Variants in DHRS7B observed in about 807,000 individuals in gnomAD.
DHRS7B encodes dehydrogenase/reductase 7B.
In DHRS7B, 24 loss-of-function variants were observed where a neutral mutation model predicts 26.4. The ratio of observed to expected loss-of-function variants is 0.91; its 90% confidence interval spans 0.66 to 1.28. DHRS7B has a LOEUF of 1.28. Among genes scored for constraint, DHRS7B ranks in the 50% most tolerant of loss-of-function variants. DHRS7B has a pLI of 0.00. For synonymous variants in DHRS7B, 142 were observed against 166.4 expected (o/e 0.85, Z 1.13); for missense variants, 368 against 419.4 (o/e 0.88, Z 1.07).
At chr17:21,150,121 A>ACAAC (rs1208673154) in intron 1 of DHRS7B, among the ~76,000 whole-genome samples, 17 of 150,124 alleles carry the variant, frequency 1.1e-4, no homozygotes, top group Non-Finnish European at 2.4e-4. Context: ...AAAAAAAAAA[A>ACAAC]AAAAAAAAAA....
chr17:21,182,257 C>G (rs1399609293), intron 3 of DHRS7B, among the ~76,000 whole-genome samples: 1 of 151,358 alleles, frequency 6.6e-6, no homozygotes, highest in Admixed American at 6.6e-5. Context: ...TTTTTTCTTT[C>G]TTTTTTTGAG....
At chr17:21,141,915 A>G (rs967231567) in intron 1 of DHRS7B, among the ~76,000 whole-genome samples, 2 of 152,174 alleles carry the variant, frequency 1.3e-5, no homozygotes, top group Non-Finnish European at 2.9e-5. Flanking sequence ...GTCAAAGGTC[A>G]AGGGCATCTC....
chr17:21,147,130 C>A (rs2143966609), intron 1 of DHRS7B, among the ~76,000 whole-genome samples: 1 of 152,234 alleles, frequency 6.6e-6, no homozygotes, highest in African/African-American at 2.4e-5. Context: ...TTAATAAGTT[C>A]TTGGGAAATT....
intron 1 of DHRS7B, chr17:21,171,738 AC>A (rs1272106177): frequency 5.6e-6 from 3 of 538,438 alleles, no homozygotes; most frequent in Non-Finnish European, 1.0e-5. Flanking sequence ...ACTGTGGGTG[AC>A]TATGTCCTAG....
In DHRS7B at chr17:21,132,543, A is replaced by AC. The variant is rs560968527; in HGVS notation, c.20+5552_20+5553insC. 1.9e-4 allele frequency among the ~76,000 whole-genome samples: 28 copies of AC among 147,140 alleles called. 1 individual carries two copies. Among genetic ancestry groups the AC allele is most frequent in the South Asian group, 1.0e-3 (5 of 4,774 alleles). On this transcript the variant is annotated intron_variant, in intron 1 of 6. Coordinates refer to ENST00000395511, the MANE Select transcript of DHRS7B (RefSeq NM_015510.5). ...GAGACCTTGTCTCAAAAAAAAAAAAAAAAAAACAAAAAAAAAACAGGGAAG... is the reference window on the plus strand; with the variant it reads ...GAGACCTTGTCTCAAAAAAAAAAAAACAAAAAACAAAAAAAAAACAGGGAAG...
chr17:21,138,101 T>TATATACACACACAC lies in DHRS7B; in HGVS notation c.20+11111_20+11112insTATACACACACACA, dbSNP rs1555536219. ...ATATATATATATATATATATATATA[T>TATATACACACACAC]ACACACACACACACACACACACACA... On this transcript the variant is annotated intron_variant, in intron 1 of 6. Transcript: ENST00000395511. Among the ~76,000 whole-genome samples, 11 of 86,108 alleles carry TATATACACACACAC rather than the reference T, an allele frequency of 1.3e-4. No individual in the cohort carries two copies. The South Asian group carries it at 2.4e-3, about 19-fold the overall frequency. The allele number at this position is 86,108 out of a possible 152,430, so 56.5% of individuals were successfully genotyped here. A position where few individuals can be genotyped will look rare whatever the true frequency, so the allele number is the denominator to read the frequency against.
chr17:21,126,966 T>A lies in DHRS7B; in HGVS notation c.-6T>A. 2 of 1,539,818 alleles carry A rather than the reference T, an allele frequency of 1.3e-6. No individual in the cohort carries two copies. Among genetic ancestry groups the A allele is most frequent in the Non-Finnish European group, 1.8e-6 (2 of 1,142,198 alleles). Reference sequence around the variant, plus strand: ...TTCCGAGGCGGGAGGATGAAGTTGATTGACTATGGTCTCTCCGGCTACCAG... The same window carrying A: ...TTCCGAGGCGGGAGGATGAAGTTGAATGACTATGGTCTCTCCGGCTACCAG... On this transcript the variant is annotated 5_prime_UTR_variant, in exon 1 of 7. It adds an upstream start codon to the 5' untranslated region. Transcript: ENST00000395511.
At chr17:21,178,576 T>C (rs1974439972) in intron 3 of DHRS7B, among the ~76,000 whole-genome samples, 1 of 152,156 alleles carries the variant, frequency 6.6e-6, no homozygotes, top group South Asian at 2.1e-4. Flanking sequence ...GTTGAGAAAG[T>C]TCTCTTTTCT....
intron 1 of DHRS7B, among the ~76,000 whole-genome samples, chr17:21,130,401 A>T (rs192191357): frequency 1.3e-5 from 2 of 152,218 alleles, no homozygotes; most frequent in Admixed American, 1.3e-4. Context: ...AAAATAAATA[A>T]ATAAATAAAT....
At chr17:21,154,171 A>G (rs1047553241) in intron 1 of DHRS7B, among the ~76,000 whole-genome samples, 2 of 152,004 alleles carry the variant, frequency 1.3e-5, no homozygotes, top group South Asian at 2.1e-4. Flanking sequence ...TTAACTGGGT[A>G]TGGTGGCATG....
intron 3 of DHRS7B, among the ~76,000 whole-genome samples, chr17:21,182,298 G>C (rs1240226081): frequency 6.6e-6 from 1 of 152,044 alleles, no homozygotes; most frequent in African/African-American, 2.4e-5. Context: ...GCCCAGGCTG[G>C]AGTGCAATGG....
intron 2 of DHRS7B, among the ~76,000 whole-genome samples, chr17:21,174,192 G>C (rs1567627043): frequency 6.6e-6 from 1 of 152,232 alleles, no homozygotes; most frequent in Non-Finnish European, 1.5e-5. Flanking sequence ...GCAGAGCTAT[G>C]TTGTCCTCAG....
chr17:21,127,527 T>C (rs1031095958), intron 1 of DHRS7B: 1 of 153,728 alleles, frequency 6.5e-6, no homozygotes, highest in African/African-American at 2.4e-5. Flanking sequence ...GATATCTTGC[T>C]CTTCCAATAC....
rs1974777345 is a variant in DHRS7B, at chr17:21,191,354, A to C, written c.*201A>C. ...GCTTCTTCCCAGGGTGAGGGGAAAC[A>C]CTTAAGGAATAAATATGGAGCTGGG... On this transcript the variant is annotated 3_prime_UTR_variant, in exon 7 of 7. Transcript: ENST00000395511. 17 of 597,270 alleles carry C rather than the reference A, an allele frequency of 2.8e-5. No individual in the cohort carries two copies. In the South Asian group the frequency reaches 3.5e-4, roughly 12 times the overall value. The allele number at this position is 597,270 out of a possible 1,614,324, so 37.0% of individuals were successfully genotyped here.
Position 21,191,298 on chromosome 17 carries a change from G to C in DHRS7B, c.*145G>C. 1 of 811,896 alleles carries C rather than the reference G, an allele frequency of 1.2e-6. No individual in the cohort carries two copies. Among genetic ancestry groups the C allele is most frequent in the Non-Finnish European group, 1.9e-6 (1 of 520,328 alleles). 50.3% of individuals were successfully genotyped at this position (811,896 alleles called of 1,614,324 possible). On this transcript the variant is annotated 3_prime_UTR_variant, in exon 7 of 7. Transcript: ENST00000395511. ...GAAGAAACACATCTCGTGCAGATCT[G>C]CTGGCAGAGGACAATCAAAAACGAC...
chr17:21,172,307 G>A (rs1447964047), intron 2 of DHRS7B, 111 bp downstream of exon 2: 1 of 1,333,384 alleles, frequency 7.5e-7, no homozygotes, highest in Non-Finnish European at 1.0e-6. Flanking sequence ...GGCAGCAGAA[G>A]GCCAGATAAG....
chr17:21,160,183 G>A (rs149830214), intron 1 of DHRS7B, among the ~76,000 whole-genome samples: 18 of 151,984 alleles, frequency 1.2e-4, no homozygotes, highest in Admixed American at 9.2e-4. Flanking sequence ...GTGAAACCCC[G>A]TCTCTACTAA....
At chr17:21,177,252 T>G (rs1974401301) in intron 2 of DHRS7B, among the ~76,000 whole-genome samples, 1 of 152,212 alleles carries the variant, frequency 6.6e-6, no homozygotes, top group South Asian at 2.1e-4. Context: ...CCCAGGCACG[T>G]GAGAGCACCC....
intron 1 of DHRS7B, among the ~76,000 whole-genome samples, chr17:21,158,695 T>C (rs1034078924): frequency 3.3e-5 from 5 of 152,192 alleles, no homozygotes; most frequent in African/African-American, 1.2e-4. Context: ...ACAAACTGAT[T>C]ATAAAGTTTA....
Sources: allele counts gnomAD v4.1 joint callset (sites outside exome capture counted in the v4.1 genomes callset), GRCh38; gene constraint gnomAD v4.1.1; transcripts MANE v1.5; gene names NCBI Gene and HGNC (gene_info 2026-07-23, HGNC 2026-07-21).